Variants in CSMD3 observed in about 807,000 individuals in gnomAD.
The protein encoded by CSMD3 is CUB and Sushi multiple domains 3.
A neutral mutation model predicts 435.2 loss-of-function variants in CSMD3; 177 were observed. The observed-to-expected ratio is 0.41, with a 90% confidence interval of 0.36 to 0.46. The LOEUF (loss-of-function observed/expected upper bound fraction) is 0.46, where lower values mean the gene tolerates loss of function less well. CSMD3 is among the 20% of genes least tolerant of loss of function. The pLI, the probability that CSMD3 is intolerant of heterozygous loss-of-function variation, is 0.34. For synonymous variants in CSMD3, 1,656 were observed against 1,520.5 expected, an observed-to-expected ratio of 1.09 and a Z score of -2.07; for missense variants, 4,265 against 4,504.6, an observed-to-expected ratio of 0.95 and a Z score of 1.52.
chr8:113,009,330 T>C (rs1300125107), intron 6 of CSMD3, among the ~76,000 whole-genome samples: 3 of 151,856 alleles, frequency 2.0e-5, no homozygotes, highest in Non-Finnish European at 2.9e-5. Flanking sequence ...GAACTCACAG[T>C]CCTGAGATAT....
intron 27 of CSMD3, chr8:112,538,938 G>T (rs961493791): frequency 6.6e-6 from 1 of 152,346 alleles, no homozygotes; most frequent in Non-Finnish European, 1.5e-5. Context: ...ATTAACTCTG[G>T]AGTCCAACTC....
At chr8:112,902,422 T>A (rs1422214068) in intron 10 of CSMD3, among the ~76,000 whole-genome samples, 1 of 151,226 alleles carries the variant, frequency 6.6e-6, no homozygotes, top group Non-Finnish European at 1.5e-5. Flanking sequence ...CAAGGGCATC[T>A]CAGCTTTACG....
intron 11 of CSMD3, among the ~76,000 whole-genome samples, chr8:112,832,171 T>C (rs918850877): frequency 1.3e-5 from 2 of 152,186 alleles, no homozygotes; most frequent in Non-Finnish European, 2.9e-5. Context: ...CTTTTGTGAA[T>C]TGACTTTTAC....
intron 59 of CSMD3, 29 bp from the exon 60 acceptor site, chr8:112,265,619 G>T: frequency 6.6e-7 from 1 of 1,515,948 alleles, no homozygotes; most frequent in Non-Finnish European, 9.2e-7. Flanking sequence ...AAGAGCAGAT[G>T]GTTAATGAGG....
At chr8:112,811,870 G>C (rs901145659) in intron 12 of CSMD3, among the ~76,000 whole-genome samples, 2 of 152,132 alleles carry the variant, frequency 1.3e-5, no homozygotes, top group Non-Finnish European at 2.9e-5. Flanking sequence ...TCAATGGCCA[G>C]TTCTTCTCAG....
At chr8:112,369,160 T>C (rs1042026541) in intron 38 of CSMD3, among the ~76,000 whole-genome samples, 1 of 152,128 alleles carries the variant, frequency 6.6e-6, no homozygotes, top group Non-Finnish European at 1.5e-5. Context: ...AATGTGAGCC[T>C]CAAATATTGG....
chr8:113,393,170 A>G (rs2094468880), intron 1 of CSMD3, among the ~76,000 whole-genome samples: 1 of 151,942 alleles, frequency 6.6e-6, no homozygotes, highest in Non-Finnish European at 1.5e-5. Context: ...CATGTCCTAT[A>G]CTTTATTACT....
At chr8:112,889,254 T>A (rs1053470496) in intron 10 of CSMD3, among the ~76,000 whole-genome samples, 1 of 151,682 alleles carries the variant, frequency 6.6e-6, no homozygotes, top group Non-Finnish European at 1.5e-5. Context: ...AGCAATGAGA[T>A]ATCATCATTA....
chr8:112,238,397 C>A (rs1284924257), intron 66 of CSMD3, among the ~76,000 whole-genome samples: 4 of 151,916 alleles, frequency 2.6e-5, no homozygotes, highest in African/African-American at 4.8e-5. Context: ...TCTATTAAAC[C>A]AAGAAAGCAA....
intron 11 of CSMD3, among the ~76,000 whole-genome samples, chr8:112,842,539 C>T (rs1171474126): frequency 3.6e-5 from 4 of 110,406 alleles, no homozygotes; most frequent in Non-Finnish European, 7.4e-5. Flanking sequence ...ATTATTAACA[C>T]TAATATTTTG....
chr8:112,578,568 G>A (rs754197525), intron 23 of CSMD3, among the ~76,000 whole-genome samples: 11 of 151,844 alleles, frequency 7.2e-5, no homozygotes, highest in African/African-American at 1.2e-4. Context: ...TAAGATCACC[G>A]GTGTGCTGGA....
chr8:112,822,939 T>C (rs79793148), intron 12 of CSMD3, among the ~76,000 whole-genome samples: 3 of 152,200 alleles, frequency 2.0e-5, no homozygotes, highest in African/African-American at 7.2e-5. Flanking sequence ...ATTACACTTA[T>C]TAATTTGCAT....
Position 112,505,082 on chromosome 8 carries a change from C to T in CSMD3, c.4896-1105G>A, listed in dbSNP as rs528587438. Among the ~76,000 whole-genome samples the T allele has an allele frequency of 2.0e-5, 3 of 152,158 alleles. No homozygotes were observed. The East Asian group carries it at 5.8e-4, about 29-fold the overall frequency. ...ATCTCATCCTTTACATATGCATGTA[C>T]AAGAAAGAAGAGTCCAGCTGCTCAG... On this transcript the variant is annotated intron_variant, in intron 29 of 70. Coordinates refer to ENST00000297405, the MANE Select transcript of CSMD3 (RefSeq NM_198123.2).
intron 4 of CSMD3, among the ~76,000 whole-genome samples, chr8:113,105,692 G>C (rs896182667): frequency 6.6e-6 from 1 of 151,886 alleles, no homozygotes; most frequent in African/African-American, 2.4e-5. Context: ...CAGTAGAGAG[G>C]GTAAACTATG....
rs139043751 is a variant in CSMD3, at chr8:112,964,193, A to T, written c.1343-9432T>A. On this transcript the variant is annotated intron_variant, in intron 7 of 70. Transcript: ENST00000297405. ...ATCTATATGTTAATAAAATATGGTC[A>T]TTCATTTGACTCTAAAACTTCAATA... 5.5e-4 allele frequency among the ~76,000 whole-genome samples: 84 copies of T among 152,078 alleles called. No homozygotes were observed. In the East Asian group the frequency reaches 0.012, roughly 22 times the overall value.
At chr8:112,773,662 C>A (rs563250364) in intron 13 of CSMD3, among the ~76,000 whole-genome samples, 2 of 151,940 alleles carry the variant, frequency 1.3e-5, no homozygotes, top group East Asian at 3.9e-4. Context: ...AGGAATTGTA[C>A]ACATGTGCTC....
chr8:112,533,869 G>T (rs1470210632), intron 27 of CSMD3, among the ~76,000 whole-genome samples: 2 of 152,030 alleles, frequency 1.3e-5, no homozygotes, highest in Non-Finnish European at 2.9e-5. Context: ...CATAGGTTAT[G>T]CCACAAAACA....
intron 13 of CSMD3, among the ~76,000 whole-genome samples, chr8:112,755,298 T>C (rs1393158954): frequency 1.0e-4 from 15 of 150,688 alleles, no homozygotes. Flanking sequence ...GCCACAGAAC[T>C]CTAGCCTGGG....
intron 32 of CSMD3, among the ~76,000 whole-genome samples, chr8:112,410,590 G>GTATATATATATGTGTATATATATA (rs1832262295): frequency 9.3e-6 from 1 of 107,626 alleles, no homozygotes; most frequent in Non-Finnish European, 1.9e-5. Context: ...ACATACATAT[G>GTATATATATATGTGTATATATATA]TATATATATA....
Sources: gnomAD v4.1 joint callset for allele counts (sites outside exome capture counted in the v4.1 genomes callset) on GRCh38, gnomAD v4.1.1 for gene constraint, MANE v1.5 for transcripts, NCBI Gene and HGNC (gene_info 2026-07-23, HGNC 2026-07-21) for gene names.